The following ARHGAP32 variants were observed in gnomAD, a reference collection of about 807,000 sequenced individuals.
The protein encoded by ARHGAP32 is rho GTPase-activating protein 32.
In ARHGAP32, 51 loss-of-function variants were observed where a neutral mutation model predicts 186.5. That is an observed-to-expected ratio of 0.27 (90% CI 0.22 to 0.35). ARHGAP32 has a LOEUF of 0.35. Among genes scored for constraint, ARHGAP32 ranks in the 10% least tolerant of loss-of-function variants. The pLI is 1.00. For missense variants in ARHGAP32, 2,186 were observed against 2,623.5 expected, an observed-to-expected ratio of 0.83 and a Z score of 3.64; for synonymous variants, 950 against 964.3, an observed-to-expected ratio of 0.99 and a Z score of 0.27.
Position 128,972,879 on chromosome 11 carries a change from G to GACAGTTGGC in ARHGAP32, c.3618_3626dup (p.Pro1207_Val1209dup). On this transcript the variant is annotated inframe_insertion, in exon 22 of 23. Transcript: ENST00000682385. Reference sequence around the variant, plus strand: ...GAGACTGGTCCTGATCCAAGAAGGAGACAGTTGGCATACTGTTCTTCCCAG... The same window carrying GACAGTTGGC: ...GAGACTGGTCCTGATCCAAGAAGGAGACAGTTGGCACAGTTGGCATACTGTTCTTCCCAG... The GACAGTTGGC allele has an allele frequency of 1.2e-6, 2 of 1,613,996 alleles. No individual in the cohort carries two copies. Among genetic ancestry groups the GACAGTTGGC allele is most frequent in the Non-Finnish European group, 1.7e-6 (2 of 1,180,004 alleles).
intron 1 of ARHGAP32, among the ~76,000 whole-genome samples, chr11:129,216,156 C>T (rs1285659202): frequency 1.3e-5 from 2 of 152,120 alleles, no homozygotes; most frequent in Non-Finnish European, 2.9e-5. Context: ...TAAGTTTCTA[C>T]TCTTATAGCC....
chr11:129,172,158 A>C (rs1226357854), intron 1 of ARHGAP32, among the ~76,000 whole-genome samples: 3 of 152,050 alleles, frequency 2.0e-5, no homozygotes, highest in Admixed American at 2.0e-4. Context: ...AATAACCTTT[A>C]TTTCTTTCTC....
At chr11:128,978,142 AAT>A (rs1197564971) in intron 19 of ARHGAP32, among the ~76,000 whole-genome samples, 3 of 152,162 alleles carry the variant, frequency 2.0e-5, no homozygotes, top group African/African-American at 7.2e-5. Flanking sequence ...CTGCTATCAA[AAT>A]AGCTAGCACA....
chr11:129,177,617 G>A (rs1346926051), intron 1 of ARHGAP32, among the ~76,000 whole-genome samples: 3 of 152,194 alleles, frequency 2.0e-5, no homozygotes, highest in Non-Finnish European at 4.4e-5. Flanking sequence ...TCCCTGGGAT[G>A]CAAGGCTGGT....
chr11:129,268,610 T>C (rs904617885), intron 1 of ARHGAP32, among the ~76,000 whole-genome samples: 1 of 141,684 alleles, frequency 7.1e-6, no homozygotes, highest in Admixed American at 7.3e-5. Flanking sequence ...TGAAGTAACC[T>C]TTCTTTCTTT....
chr11:128,996,544 TA>T (rs1263809499), intron 12 of ARHGAP32, among the ~76,000 whole-genome samples: 1 of 152,196 alleles, frequency 6.6e-6, no homozygotes, highest in African/African-American at 2.4e-5. Context: ...TTTGTAAGTT[TA>T]AAATGGTTAA....
rs758881425 is a variant in ARHGAP32 at position 128,968,111 on chromosome 11, C to T, written c.*796G>A. 1 of 151,794 alleles carries T rather than the reference C, an allele frequency of 6.6e-6. No homozygotes were observed. 9.4% of individuals were successfully genotyped at this position (151,794 alleles called of 1,614,324 possible). A position where few individuals can be genotyped will look rare whatever the true frequency, so the allele number is the denominator to read the frequency against. On this transcript the variant is annotated 3_prime_UTR_variant, in exon 23 of 23. Transcript: ENST00000682385. ...TTCTGGTGCTAATAAAGTTCACTGA[C>T]AATAAGAACTTTACTTTCTTCCACC...
rs562812396 is a variant in ARHGAP32, at chr11:128,981,681, G to T, written c.1635-120C>A. Reference sequence around the variant, plus strand: ...GAAATCATACTTTTACTGTCCCTTAGCTAAGGCCCAGTTGCCTGTTTTAGG... The same window carrying T: ...GAAATCATACTTTTACTGTCCCTTATCTAAGGCCCAGTTGCCTGTTTTAGG... On this transcript the variant is annotated intron_variant, in intron 16 of 22. Transcript: ENST00000682385. 5 of 1,241,498 alleles carry T rather than the reference G, an allele frequency of 4.0e-6. No individual in the cohort carries two copies. The East Asian group carries it at 9.8e-5, about 24-fold the overall frequency. The allele number at this position is 1,241,498 out of a possible 1,614,324, so 76.9% of individuals were successfully genotyped here.
Position 129,064,927 on chromosome 11 carries a change from T to C in ARHGAP32, c.676A>G (p.Thr226Ala). 1 of 1,584,872 alleles carries C rather than the reference T, an allele frequency of 6.3e-7. No homozygotes were observed. The highest frequency in any genetic ancestry group is 1.3e-5 in the African/African-American group (1 of 74,266). Residue 226 changes from threonine to alanine, a missense_variant, in exon 8 of 23, where the codon ACT becomes GCT. Physicochemically the swap from Thr to Ala is moderately conservative, Grantham distance 58. Around this residue, in one of 5 missense-constraint regions of ARHGAP32, gnomAD observed 308 missense variants for 596.5 expected, o/e 0.52. Coordinates refer to ENST00000682385, the MANE Select transcript of ARHGAP32 (RefSeq NM_001378024.1). ...GACAGGTAAGCCATAAGCATCTGAG[T>C]GACCGACTGAAAAGAAAAAGATCAG... is the stretch of plus-strand genomic sequence containing the variant. ...DTLKDSPESV[T>A]QMLMAYLSRL...
intron 1 of ARHGAP32, among the ~76,000 whole-genome samples, chr11:129,179,776 A>G (rs1475777772): frequency 5.4e-5 from 8 of 147,094 alleles, no homozygotes; most frequent in Non-Finnish European, 8.9e-5. Context: ...GGGGAACATC[A>G]CACTCTGGGG....
chr11:129,267,946 C>G (rs1238702028), intron 1 of ARHGAP32, among the ~76,000 whole-genome samples: 1 of 151,994 alleles, frequency 6.6e-6, no homozygotes, highest in African/African-American at 2.4e-5. Flanking sequence ...AGGGACAGCT[C>G]GCTCACTCAC....
At chr11:129,210,628 A>AAGAG (rs1455473009) in intron 1 of ARHGAP32, among the ~76,000 whole-genome samples, 1 of 152,160 alleles carries the variant, frequency 6.6e-6, no homozygotes, top group East Asian at 1.9e-4. Context: ...CCAAAAACAC[A>AAGAG]AAACAGACAA....
chr11:129,090,794 T>C (rs1207368321), intron 6 of ARHGAP32, among the ~76,000 whole-genome samples: 1 of 152,198 alleles, frequency 6.6e-6, no homozygotes, highest in East Asian at 1.9e-4. Context: ...TTTTATTCTG[T>C]GTAGTGGGGC....
chr11:129,024,078 A>G (rs771538470), intron 11 of ARHGAP32: 1 of 985,414 alleles, frequency 1.0e-6, no homozygotes, highest in Non-Finnish European at 1.2e-6. Context: ...CCCCTGCAGC[A>G]GCAGTTTTCT....
intron 11 of ARHGAP32, among the ~76,000 whole-genome samples, chr11:129,007,745 G>T (rs1937861694): frequency 6.6e-6 from 1 of 152,202 alleles, no homozygotes; most frequent in Non-Finnish European, 1.5e-5. Context: ...TAGGTCATGT[G>T]CCCCTCAAGT....
At chr11:129,163,382 A>G (rs945778053) in intron 2 of ARHGAP32, among the ~76,000 whole-genome samples, 1 of 152,188 alleles carries the variant, frequency 6.6e-6, no homozygotes, top group Non-Finnish European at 1.5e-5. Flanking sequence ...AATAAACTAA[A>G]TGAGTATCTC....
intron 2 of ARHGAP32, among the ~76,000 whole-genome samples, chr11:129,158,790 A>G (rs1431994675): frequency 1.3e-5 from 2 of 152,220 alleles, no homozygotes; most frequent in Non-Finnish European, 2.9e-5. Context: ...CATGTATTCT[A>G]AAACTGACCA....
intron 1 of ARHGAP32, among the ~76,000 whole-genome samples, chr11:129,276,425 C>T (rs1477277991): frequency 6.6e-6 from 1 of 152,236 alleles, no homozygotes; most frequent in South Asian, 2.1e-4. Flanking sequence ...CTCAACCTCC[C>T]GAGTAGCCAG....
upstream of ARHGAP32, among the ~76,000 whole-genome samples, chr11:129,279,632 G>A (rs1326963612): frequency 1.4e-5 from 2 of 145,800 alleles, no homozygotes; most frequent in African/African-American, 2.5e-5. Context: ...GGGGAGAAGA[G>A]GCGCGCCGCC....
Sources: gnomAD v4.1 joint callset for allele counts (sites outside exome capture counted in the v4.1 genomes callset) on GRCh38, gnomAD v4.1.1 for gene constraint, gnomAD v4.1.1 regional missense constraint, MANE v1.5 for transcripts, NCBI Gene and HGNC (gene_info 2026-07-23, HGNC 2026-07-21) for gene names.